TAFA1: variants seen among roughly 807,000 people sequenced by gnomAD.
TAFA1 encodes TAFA chemokine like family member 1.
In TAFA1, 4 loss-of-function variants were observed where a neutral mutation model predicts 18.5. The observed-to-expected ratio is 0.22, with a 90% CI of 0.11 to 0.49. TAFA1 has a LOEUF of 0.49. TAFA1 is among the 20% of genes least tolerant of loss of function. TAFA1 has a pLI of 0.98. For synonymous variants in TAFA1, 56 were observed against 55.2 expected, an observed-to-expected ratio of 1.01 and a Z score of -0.06; for missense variants, 147 against 169.0, an observed-to-expected ratio of 0.87 and a Z score of 0.72.
At chr3:68,134,161 A>C (rs1208427410) in intron 2 of TAFA1, among the ~76,000 whole-genome samples, 1 of 151,844 alleles carries the variant, frequency 6.6e-6, no homozygotes, top group Non-Finnish European at 1.5e-5. Flanking sequence ...TGGCCTGTGC[A>C]AAAGGGAAGA....
At chr3:68,431,053 G>T (rs1212442087) in intron 3 of TAFA1, among the ~76,000 whole-genome samples, 1 of 151,738 alleles carries the variant, frequency 6.6e-6, no homozygotes, top group Non-Finnish European at 1.5e-5. Flanking sequence ...TTTCTTTATG[G>T]ATTGACAACA....
At chr3:68,417,486 G>A in intron 3 of TAFA1, 66 bp downstream of exon 3, 3 of 1,471,348 alleles carry the variant, frequency 2.0e-6, no homozygotes, top group Non-Finnish European at 2.8e-6. Flanking sequence ...ATAATTTCTT[G>A]TTTTATCTAA....
chr3:68,076,595 A>G lies in TAFA1; in HGVS notation c.118+69851A>G, dbSNP rs539810309. ...TTCTTGTGATAGTTTACTGAGAATG[A>G]TGCTTTCCAATTTCATCCATGTCCC... On this transcript the variant is annotated intron_variant, in intron 2 of 4. Transcript: ENST00000478136. 8.5e-5 allele frequency among the ~76,000 whole-genome samples: 13 copies of G among 152,284 alleles called. No individual in the cohort carries two copies. In the South Asian group the frequency reaches 2.7e-3, roughly 32 times the overall value.
chr3:68,013,959 A>G (rs1012690614), intron 2 of TAFA1, among the ~76,000 whole-genome samples: 21 of 152,214 alleles, frequency 1.4e-4, no homozygotes, highest in African/African-American at 4.8e-4. Context: ...TGAGTCTGCA[A>G]GGGAGGAAGA....
At chr3:68,428,301 C>A (rs2071097542) in intron 3 of TAFA1, among the ~76,000 whole-genome samples, 1 of 151,856 alleles carries the variant, frequency 6.6e-6, no homozygotes, top group African/African-American at 2.4e-5. Flanking sequence ...CAGCCTCCAG[C>A]CAAGAGAACA....
intron 2 of TAFA1, among the ~76,000 whole-genome samples, chr3:68,083,397 A>G (rs945717068): frequency 2.6e-5 from 4 of 152,274 alleles, no homozygotes; most frequent in African/African-American, 9.6e-5. Context: ...CAAGTAAAAT[A>G]ATACATTAAA....
intron 2 of TAFA1, among the ~76,000 whole-genome samples, chr3:68,227,247 A>G (rs1159964844): frequency 1.3e-5 from 2 of 152,170 alleles, no homozygotes. Context: ...TATCCTAGCA[A>G]TCTCTGTTTA....
chr3:68,417,696 G>A, intron 3 of TAFA1: 1 of 353,196 alleles, frequency 2.8e-6, no homozygotes, highest in East Asian at 5.5e-5. Context: ...GTGAGCAACT[G>A]TATTAGTCCA....
chr3:68,070,394 A>T (rs1203400926), intron 2 of TAFA1, among the ~76,000 whole-genome samples: 1 of 152,196 alleles, frequency 6.6e-6, no homozygotes, highest in East Asian at 1.9e-4. Flanking sequence ...CCAAATCCCT[A>T]GGCTGCACAC....
At chr3:68,168,016 T>G (rs1390059606) in intron 2 of TAFA1, among the ~76,000 whole-genome samples, 1 of 152,110 alleles carries the variant, frequency 6.6e-6, no homozygotes, top group African/African-American at 2.4e-5. Flanking sequence ...CATTGTCCTG[T>G]GGTAGTGTCC....
At chr3:67,997,809 T>C in the TAFA1 span, among the ~76,000 whole-genome samples, 2 of 144,984 alleles carry the variant, frequency 1.4e-5, no homozygotes, top group Admixed American at 1.4e-4. Context: ...CTGTTTTTAA[T>C]TTTTTGTTTC....
chr3:68,129,490 A>G (rs1357440087), intron 2 of TAFA1, among the ~76,000 whole-genome samples: 1 of 152,172 alleles, frequency 6.6e-6, no homozygotes. Flanking sequence ...TTTCTTGTGT[A>G]GGTTAAGGGA....
At chr3:68,370,351 TATACAC>T (rs1268742968) in intron 2 of TAFA1, among the ~76,000 whole-genome samples, 1 of 44,448 alleles carries the variant, frequency 2.2e-5, no homozygotes, top group Non-Finnish European at 4.0e-5. Context: ...TATATATATA[TATACAC>T]ACACACACAC....
intron 2 of TAFA1, among the ~76,000 whole-genome samples, chr3:68,188,828 C>A (rs1474939873): frequency 1.3e-5 from 2 of 151,892 alleles, no homozygotes; most frequent in Middle Eastern, 3.4e-3. Context: ...TTTTTATCAT[C>A]CAGAATAGTG....
At chr3:68,397,469 T>C (rs1330377980) in intron 2 of TAFA1, among the ~76,000 whole-genome samples, 6 of 152,190 alleles carry the variant, frequency 3.9e-5, no homozygotes, top group Admixed American at 1.3e-4. Context: ...GCTTCATCCA[T>C]GTCCCTGCAA....
chr3:68,357,680 C>T (rs967060339), intron 2 of TAFA1, among the ~76,000 whole-genome samples: 6 of 151,810 alleles, frequency 4.0e-5, no homozygotes, highest in African/African-American at 1.5e-4. Context: ...TGGCTCTTGT[C>T]AACTATATTC....
chr3:68,294,854 G>A (rs2068179886), intron 2 of TAFA1, among the ~76,000 whole-genome samples: 1 of 152,128 alleles, frequency 6.6e-6, no homozygotes, highest in South Asian at 2.1e-4. Context: ...TCCAGCCTGG[G>A]CAACAGAGAG....
chr3:68,452,240 C>T (rs980872256), intron 3 of TAFA1, among the ~76,000 whole-genome samples: 3 of 152,044 alleles, frequency 2.0e-5, no homozygotes, highest in Admixed American at 6.6e-5. Flanking sequence ...TAGAACATGT[C>T]GGCTGGGCGC....
intron 3 of TAFA1, among the ~76,000 whole-genome samples, chr3:68,524,683 T>TC (rs1358089609): frequency 6.6e-6 from 1 of 151,932 alleles, no homozygotes; most frequent in African/African-American, 2.4e-5. Flanking sequence ...GTTTTTGTTT[T>TC]TTTTTGAGAC....
Sources: gnomAD v4.1 joint callset for allele counts (sites outside exome capture counted in the v4.1 genomes callset) on GRCh38, gnomAD v4.1.1 for gene constraint, MANE v1.5 for transcripts, NCBI Gene and HGNC (gene_info 2026-07-23, HGNC 2026-07-21) for gene names.